RUBCN: variants seen among roughly 807,000 people sequenced by gnomAD.
The protein encoded by RUBCN is rubicon autophagy regulator.
Under a neutral mutation model 113.2 loss-of-function variants are expected in RUBCN, and 74 were observed. The observed-to-expected ratio is 0.65, with a 90% CI of 0.54 to 0.79. The LOEUF is 0.79. Ranked by LOEUF, RUBCN falls within the 30% of genes least tolerant of loss-of-function variation. The pLI, the probability that RUBCN is intolerant of heterozygous loss-of-function variation, is 0.00. For synonymous variants in RUBCN, 480 were observed against 490.0 expected, an observed-to-expected ratio of 0.98 and a Z score of 0.27; for missense variants, 1,109 against 1,251.7, an observed-to-expected ratio of 0.89 and a Z score of 1.72.
rs1725625366 is a variant in RUBCN at position 197,717,238 on chromosome 3, C to G, written c.219+739G>C. On this transcript the variant is annotated intron_variant, in intron 2 of 19. Coordinates refer to ENST00000296343, the MANE Select transcript of RUBCN (RefSeq NM_014687.4). ...TCACAAGGTCAGGAGATTGAGACCA[C>G]TGAGACCATCCTGGCTAACACGGTG... Among the ~76,000 whole-genome samples, 3 of 150,686 alleles carry G rather than the reference C, an allele frequency of 2.0e-5. No homozygotes were observed. The South Asian group carries it at 6.2e-4, about 31-fold the overall frequency.
intron 1 of RUBCN, among the ~76,000 whole-genome samples, chr3:197,725,920 G>A (rs1347968393): frequency 3.3e-5 from 5 of 152,038 alleles, no homozygotes; most frequent in East Asian, 1.9e-4. Context: ...GGTTAGGTAC[G>A]GGGACCTCAT....
At chr3:197,730,812 C>T (rs894896377) in intron 1 of RUBCN, among the ~76,000 whole-genome samples, 2 of 150,876 alleles carry the variant, frequency 1.3e-5, no homozygotes, top group Non-Finnish European at 2.9e-5. Flanking sequence ...ACATGCAAGC[C>T]CTGCATCAGC....
In RUBCN at chr3:197,683,357, C is replaced by G. The variant is rs1290268988; in HGVS notation, c.1930G>C (p.Ala644Pro). ...LKQFEGMQLP[A>P]ASELEWLVPE... ...ACAAGCCACTCCAGCTCCGAGGCGG[C>G]TGGAAGCTGCATCCCCTCAAACTGC... Residue 644 changes from alanine (A) to proline (P), a missense_variant, in exon 13 of 20, where the codon GCC (alanine) becomes CCC (proline). By Grantham distance (27) the Ala-to-Pro change is conservative (BLOSUM62 -1). Transcript: ENST00000296343. The surrounding 1 kb of genome is among the most constrained non-coding windows in gnomAD (Gnocchi z 4.6). The G allele has an allele frequency of 1.2e-6, 2 of 1,614,200 alleles. No individual in the cohort carries two copies. Among genetic ancestry groups the G allele is most frequent in the Non-Finnish European group, 1.7e-6 (2 of 1,180,028 alleles).
chr3:197,692,518 T>A (rs1472187304), intron 11 of RUBCN, among the ~76,000 whole-genome samples: 2 of 151,724 alleles, frequency 1.3e-5, no homozygotes, highest in Non-Finnish European at 2.9e-5. Flanking sequence ...GTGTCTGGCA[T>A]CTGAAGCGGA....
At chr3:197,731,415 C>T (rs1258560392) in intron 1 of RUBCN, among the ~76,000 whole-genome samples, 1 of 152,204 alleles carries the variant, frequency 6.6e-6, no homozygotes, top group African/African-American at 2.4e-5. Flanking sequence ...GACACGGCAA[C>T]CATCCGATTT....
At chr3:197,712,417 T>C (rs1725056535) in intron 2 of RUBCN, among the ~76,000 whole-genome samples, 1 of 152,190 alleles carries the variant, frequency 6.6e-6, no homozygotes, top group Non-Finnish European at 1.5e-5. Context: ...CATGAATCAC[T>C]GTATCAGCCC....
rs1723950361 is a variant in RUBCN at position 197,703,596 on chromosome 3, T to C, written c.522A>G (p.Ala174=). ...GGAGGCGGGGGTTGTTCTGTTCCAC[T>C]GCTTCCAGGCACTGCAGCATGGCCG... ...HVTAMLQCLE[A]VEQNNPRLLA... is the part of the protein sequence containing the mutation. The change falls in exon 5 of 20, where the codon GCA becomes GCG. Residue 174 remains alanine, a synonymous_variant. Transcript: ENST00000296343. The C allele has an allele frequency of 6.2e-7, 1 of 1,613,876 alleles. No individual in the cohort carries two copies. Among genetic ancestry groups the C allele is most frequent in the Non-Finnish European group, 8.5e-7 (1 of 1,179,938 alleles).
chr3:197,738,792 G>A (rs6797255), upstream of RUBCN, among the ~76,000 whole-genome samples: 139,936 of 151,592 alleles, frequency 0.92, 64,706 homozygotes, highest in East Asian at 0.99. Context: ...GGGTCTCACT[G>A]TGCTGCCTAA....
chr3:197,705,518 T>A (rs1027879341), intron 2 of RUBCN, among the ~76,000 whole-genome samples: 1 of 146,678 alleles, frequency 6.8e-6, no homozygotes, highest in Non-Finnish European at 1.5e-5. Flanking sequence ...TGAGCCATGA[T>A]TGTGCCACTG....
intron 1 of RUBCN, among the ~76,000 whole-genome samples, chr3:197,725,440 A>G (rs1307611287): frequency 1.3e-5 from 2 of 150,672 alleles, no homozygotes; most frequent in East Asian, 2.0e-4. Context: ...TGACTCTCTT[A>G]TATAGTCTCT....
rs1720581005 is a variant in RUBCN at position 197,677,538 on chromosome 3, G to A, written c.2434C>T (p.Leu812=). 3 of 1,614,020 alleles carry A rather than the reference G, an allele frequency of 1.9e-6. No homozygotes were observed. The highest frequency in any genetic ancestry group is 2.5e-6 in the Non-Finnish European group (3 of 1,179,950). Residue 812 remains leucine (L), a synonymous_variant, in exon 17 of 20, where the codon CTG becomes TTG. Transcript: ENST00000296343. The stretch of plus-strand genomic sequence containing the variant: ...TTCATGTGACACAGCTGGACCCGCA[G>A]CAGCTGAAAAGAAAGAGAGGGGGGC... ...KVKLLNQVRL[L]RVQLCHMKNM... is the part of the protein sequence containing the mutation.
chr3:197,683,038 G>C lies in RUBCN; in HGVS notation c.1980+269C>G, dbSNP rs1356240912. 1.3e-5 allele frequency among the ~76,000 whole-genome samples: 2 copies of C among 152,236 alleles called. No homozygotes were observed. Among genetic ancestry groups the C allele is most frequent in the African/African-American group, 4.8e-5 (2 of 41,458 alleles). ...AATCCAAGCGATTTACTTTTGCGTA[G>C]TGTCTCCGAGGTGGTCACAAACCAA... is the stretch of plus-strand genomic sequence containing the variant. On this transcript the variant is annotated intron_variant, in intron 13 of 19. Coordinates refer to ENST00000296343, the MANE Select transcript of RUBCN (RefSeq NM_014687.4). This position sits in a 1 kb window ranked among gnomAD's most constrained non-coding sequence, Gnocchi z 4.6.
Position 197,684,137 on chromosome 3 carries a change from T to C in RUBCN, c.1847+20A>G, listed in dbSNP as rs1560411595. On this transcript the variant is annotated intron_variant, in intron 12 of 19. Coordinates refer to ENST00000296343, the MANE Select transcript of RUBCN (RefSeq NM_014687.4). ...TCCTAAGGTTTTCTTTTCTTTTTTT[T>C]GGTAAAAAAAAGTACTCACAAGGAC... The C allele has an allele frequency of 2.5e-6, 4 of 1,582,306 alleles. No individual in the cohort carries two copies. In the South Asian group the frequency reaches 4.4e-5, roughly 18 times the overall value.
rs762289731 is a variant in RUBCN at position 197,675,222 on chromosome 3, G to C, written c.2741-26C>G. Reference sequence around the variant, plus strand: ...CTACTCAGGTTGGGAAGGTGGGGGAGAGAAGAAAACAATTTGTATTATCTC... The same window carrying C: ...CTACTCAGGTTGGGAAGGTGGGGGACAGAAGAAAACAATTTGTATTATCTC... On this transcript the variant is annotated intron_variant, in intron 19 of 19. Transcript: ENST00000296343. The surrounding 1 kb of genome is among the most constrained non-coding windows in gnomAD (Gnocchi z 4.4). 207 of 1,613,036 alleles carry C rather than the reference G, an allele frequency of 1.3e-4. 4 individuals are homozygous for C. In the South Asian group the frequency reaches 2.1e-3, roughly 17 times the overall value.
rs59537702 is a variant in RUBCN, at chr3:197,707,269, T to G, written c.220-2094A>C. ...ATGGCATGAACCCGGGAGGCAGAGC[T>G]TGCAATGAGCCGAGATGGCGCCACT... On this transcript the variant is annotated intron_variant, in intron 2 of 19. Transcript: ENST00000296343. 5.1e-4 allele frequency among the ~76,000 whole-genome samples: 78 copies of G among 152,054 alleles called. 1 individual carries two copies. In the East Asian group the frequency reaches 0.015, roughly 28 times the overall value.
At chr3:197,716,959 A>G (rs1302288778) in intron 2 of RUBCN, among the ~76,000 whole-genome samples, 2 of 152,134 alleles carry the variant, frequency 1.3e-5, no homozygotes, top group African/African-American at 4.8e-5. Context: ...TGTCTCTACA[A>G]AAAACACAAA....
chr3:197,679,960 C>T (rs1388343443), intron 16 of RUBCN, among the ~76,000 whole-genome samples: 2 of 148,562 alleles, frequency 1.3e-5, no homozygotes, highest in Admixed American at 6.6e-5. Context: ...TGACAACTGG[C>T]TCCAGACTGT....
Position 197,705,115 on chromosome 3 carries a change from G to A in RUBCN, c.280C>T (p.His94Tyr). The change falls in exon 3 of 20, where the codon CAC becomes TAC. Residue 94 changes from histidine to tyrosine, a missense_variant. Physicochemically the swap from His to Tyr is moderately conservative, Grantham distance 83. This residue lies in a region of RUBCN where 736 missense variants were observed against 779.6 expected (regional missense o/e 0.94). Coordinates refer to ENST00000296343, the MANE Select transcript of RUBCN (RefSeq NM_014687.4). ...FVKDIRWLSP[H>Y]SALHVEKFIS... ...ACCTTCTCCACGTGAAGGGCTGAGTGGGGACTGAGCCACCGGATGTCTTTC... is the reference window on the plus strand; with the variant it reads ...ACCTTCTCCACGTGAAGGGCTGAGTAGGGACTGAGCCACCGGATGTCTTTC... 6.2e-7 allele frequency: 1 copy of A among 1,613,964 alleles called. No homozygotes were observed. The highest frequency in any genetic ancestry group is 1.7e-5 in the Admixed American group (1 of 60,026).
In RUBCN at chr3:197,678,193, C is replaced by T. The variant is rs376598845; in HGVS notation, c.2431-652G>A. On this transcript the variant is annotated intron_variant, in intron 16 of 19. Coordinates refer to ENST00000296343, the MANE Select transcript of RUBCN (RefSeq NM_014687.4). ...CTTCAGACTGTCCCACGCTCTAACT[C>T]GACAACTGGCTTCAGACTGTTGTAT... 5.5e-5 allele frequency among the ~76,000 whole-genome samples: 8 copies of T among 146,668 alleles called. No individual in the cohort carries two copies. The East Asian group carries it at 8.3e-4, about 15-fold the overall frequency.
Sources: gnomAD v4.1 joint callset for allele counts (sites outside exome capture counted in the v4.1 genomes callset) on GRCh38, gnomAD v4.1.1 for gene constraint, gnomAD v4.1.1 regional missense constraint, Gnocchi (gnomAD v3.1) non-coding constraint, MANE v1.5 for transcripts, NCBI Gene and HGNC (gene_info 2026-07-23, HGNC 2026-07-21) for gene names.